Variants in PTPN11 observed in about 807,000 individuals in gnomAD.
PTPN11 encodes protein tyrosine phosphatase non-receptor type 11, also known as tyrosine-protein phosphatase non-receptor type 11.
PTPN11 carries 6 observed loss-of-function variants against 78.8 expected under a neutral mutation model. The observed-to-expected ratio is 0.08, with a 90% CI of 0.04 to 0.15. PTPN11 has a LOEUF of 0.15. PTPN11 is among the 10% of genes least tolerant of loss of function. PTPN11 has a pLI of 1.00. For synonymous variants in PTPN11, 221 were observed against 263.5 expected (o/e 0.84, Z 1.56); for missense variants, 386 against 744.8 (o/e 0.52, Z 5.61).
At chr12:112,447,541 C>G (rs1469958080) in intron 2 of PTPN11, among the ~76,000 whole-genome samples, 1 of 151,848 alleles carries the variant, frequency 6.6e-6, no homozygotes, top group African/African-American at 2.4e-5. Context: ...GTCTTATTGC[C>G]CAGGCTGAAG....
chr12:112,502,634 C>T (rs773245835), intron 14 of PTPN11, among the ~76,000 whole-genome samples: 1 of 152,146 alleles, frequency 6.6e-6, no homozygotes, highest in Non-Finnish European at 1.5e-5. Flanking sequence ...GTAATCCCAG[C>T]TACTCAGGAG....
At chr12:112,471,014 C>T (rs368995083) in intron 6 of PTPN11, among the ~76,000 whole-genome samples, 2 of 152,148 alleles carry the variant, frequency 1.3e-5, no homozygotes, top group African/African-American at 2.4e-5. Flanking sequence ...ATGACTGATT[C>T]CTTGTCACAG....
chr12:112,445,858 T>C (rs1341495975), intron 1 of PTPN11, among the ~76,000 whole-genome samples: 2 of 152,046 alleles, frequency 1.3e-5, no homozygotes, highest in African/African-American at 4.8e-5. Flanking sequence ...CAGGCTGCTC[T>C]GGAACTCCCG....
intron 6 of PTPN11, among the ~76,000 whole-genome samples, chr12:112,467,473 G>A (rs2038348756): frequency 6.6e-6 from 1 of 152,036 alleles, no homozygotes. Flanking sequence ...GGCAAGGGTG[G>A]GGTGGGAGCC....
chr12:112,461,767 A>G (rs747204367), intron 6 of PTPN11, among the ~76,000 whole-genome samples: 7 of 152,130 alleles, frequency 4.6e-5, no homozygotes, highest in Non-Finnish European at 7.4e-5. Context: ...GCAAGAGCCA[A>G]TGAGCCTGGT....
Position 112,482,940 on chromosome 12 carries a change from G to A in PTPN11, c.1224+735G>A, listed in dbSNP as rs1489791199. On this transcript the variant is annotated intron_variant, in intron 10 of 15. Coordinates refer to ENST00000351677, the MANE Select transcript of PTPN11 (RefSeq NM_002834.5). This position sits in a 1 kb window ranked among gnomAD's most constrained non-coding sequence, Gnocchi z 4.4. ...TTCAGCTGGGCATCTGAACAGTCAT[G>A]TGGACATTCATCTATTCATTCAGAG... 6.6e-6 allele frequency among the ~76,000 whole-genome samples: 1 copy of A among 152,152 alleles called. No individual in the cohort carries two copies. Among genetic ancestry groups the A allele is most frequent in the Non-Finnish European group, 1.5e-5 (1 of 68,032 alleles).
At chr12:112,425,642 A>G (rs1187938185) in intron 1 of PTPN11, among the ~76,000 whole-genome samples, 1 of 152,218 alleles carries the variant, frequency 6.6e-6, no homozygotes, top group Non-Finnish European at 1.5e-5. Flanking sequence ...CAGCACCTGA[A>G]TAACATACAT....
intron 2 of PTPN11, among the ~76,000 whole-genome samples, chr12:112,449,928 G>A (rs558066362): frequency 6.6e-6 from 1 of 152,138 alleles, no homozygotes; most frequent in Admixed American, 6.6e-5. Context: ...AGCTGAGCGT[G>A]GTGGCGCATT....
chr12:112,478,733 T>C (rs980227902), intron 9 of PTPN11, among the ~76,000 whole-genome samples: 2 of 152,116 alleles, frequency 1.3e-5, no homozygotes, highest in African/African-American at 4.8e-5. Flanking sequence ...GTATTTCTGT[T>C]GTTGTTTTTT....
At position 112,482,455 on chromosome 12, in the gene PTPN11, C is replaced by T. The variant is rs2038611187; in HGVS notation, c.1224+250C>T. 6.6e-6 allele frequency among the ~76,000 whole-genome samples: 1 copy of T among 152,154 alleles called. No individual in the cohort carries two copies. The highest frequency in any genetic ancestry group is 1.5e-5 in the Non-Finnish European group (1 of 68,040). On this transcript the variant is annotated intron_variant, in intron 10 of 15. Coordinates refer to ENST00000351677, the MANE Select transcript of PTPN11 (RefSeq NM_002834.5). This position sits in a 1 kb window ranked among gnomAD's most constrained non-coding sequence, Gnocchi z 4.4. ...AGACAATTTAAAAACAAATAACTGGCCAGGCGCCGTGGCTCAGGCCTGTAA... is the reference window on the plus strand; with the variant it reads ...AGACAATTTAAAAACAAATAACTGGTCAGGCGCCGTGGCTCAGGCCTGTAA...
At chr12:112,422,829 G>A (rs537418938) in intron 1 of PTPN11, among the ~76,000 whole-genome samples, 1 of 152,298 alleles carries the variant, frequency 6.6e-6, no homozygotes, top group South Asian at 2.1e-4. Context: ...ACTGTTATGA[G>A]TGGCACATGA....
chr12:112,452,185 C>T (rs959426711), intron 3 of PTPN11, among the ~76,000 whole-genome samples: 1 of 151,666 alleles, frequency 6.6e-6, no homozygotes, highest in Admixed American at 6.6e-5. Flanking sequence ...TCTATTACAA[C>T]TTTTTATTAC....
chr12:112,450,364 T>C lies in PTPN11; in HGVS notation c.184T>C (p.Tyr62His). ...CATCAAGATTCAGAACACTGGTGAT[T>C]ACTATGACCTGTATGGAGGGGAGAA... ...THIKIQNTGD[Y>H]YDLYGGEKFA... The change falls in exon 3 of 16, where the codon TAC becomes CAC. Residue 62 changes from tyrosine to histidine, a missense_variant. Tyr to His is a moderately conservative substitution (Grantham distance 83, BLOSUM62 2). This residue lies in a region of PTPN11 where 279 missense variants were observed against 503.3 expected (regional missense o/e 0.55). Transcript: ENST00000351677. 1 of 1,613,274 alleles carries C rather than the reference T, an allele frequency of 6.2e-7. No individual in the cohort carries two copies. The highest frequency in any genetic ancestry group is 8.5e-7 in the Non-Finnish European group (1 of 1,179,282).
intron 2 of PTPN11, among the ~76,000 whole-genome samples, chr12:112,447,345 T>C (rs1035934809): frequency 3.3e-5 from 5 of 152,202 alleles, no homozygotes; most frequent in Non-Finnish European, 4.4e-5. Flanking sequence ...ATATTCTTCC[T>C]GAACGTGTTT....
At chr12:112,449,933 C>T (rs1388608107) in intron 2 of PTPN11, among the ~76,000 whole-genome samples, 1 of 151,930 alleles carries the variant, frequency 6.6e-6, no homozygotes, top group Non-Finnish European at 1.5e-5. Flanking sequence ...AGCGTGGTGG[C>T]GCATTCCTGT....
chr12:112,475,838 T>C (rs1214624879), intron 7 of PTPN11, among the ~76,000 whole-genome samples: 1 of 152,190 alleles, frequency 6.6e-6, no homozygotes, highest in Non-Finnish European at 1.5e-5. Context: ...TGTATATGTA[T>C]GAGGATGGGG....
At chr12:112,433,754 C>A (rs1397108883) in intron 1 of PTPN11, among the ~76,000 whole-genome samples, 2 of 152,068 alleles carry the variant, frequency 1.3e-5, no homozygotes, top group Non-Finnish European at 2.9e-5. Context: ...AGCTTGGGGC[C>A]AGCCTGGGCA....
chr12:112,453,381 C>G lies in PTPN11; in HGVS notation c.519C>G (p.Arg173=), dbSNP rs767425313. Reference sequence around the variant, plus strand: ...CTAAAGTGACCCATGTTATGATTCGCTGTCAGGTAAATCTCCAGTTGAAAA... The same window carrying G: ...CTAAAGTGACCCATGTTATGATTCGGTGTCAGGTAAATCTCCAGTTGAAAA... ...GKSKVTHVMI[R]CQELKYDVGG... is the part of the protein sequence containing the mutation. The change falls in exon 4 of 16, where the codon CGC becomes CGG. Residue 173 remains arginine, a synonymous_variant. Coordinates refer to ENST00000351677, the MANE Select transcript of PTPN11 (RefSeq NM_002834.5). The G allele has an allele frequency of 3.2e-5, 52 of 1,613,886 alleles. No homozygotes were observed. The South Asian group carries it at 5.3e-4, about 16-fold the overall frequency.
chr12:112,481,434 G>A (rs1318670272), intron 9 of PTPN11, among the ~76,000 whole-genome samples: 2 of 151,824 alleles, frequency 1.3e-5, no homozygotes, highest in South Asian at 2.1e-4. Context: ...ACACCTGCAC[G>A]AGCTGCCTTT....
Sources: gnomAD v4.1 joint callset for allele counts (sites outside exome capture counted in the v4.1 genomes callset) on GRCh38, gnomAD v4.1.1 for gene constraint, gnomAD v4.1.1 regional missense constraint, Gnocchi (gnomAD v3.1) non-coding constraint, MANE v1.5 for transcripts, NCBI Gene and HGNC (gene_info 2026-07-23, HGNC 2026-07-21) for gene names.